AP3M2: variants seen among roughly 807,000 people sequenced by gnomAD.
AP3M2 encodes AP-3 complex subunit mu-2.
A neutral mutation model predicts 41.6 loss-of-function variants in AP3M2; 28 were observed. The ratio of observed to expected loss-of-function variants is 0.67; its 90% CI spans 0.50 to 0.92. The LOEUF is 0.92. Ranked by LOEUF, AP3M2 falls within the 40% of genes least tolerant of loss-of-function variation. The pLI is 0.00. For synonymous variants in AP3M2, 193 were observed against 186.4 expected (o/e 1.04, Z -0.29); for missense variants, 427 against 521.4 (o/e 0.82, Z 1.76).
intron 2 of AP3M2, 127 bp from the exon 3 acceptor site, chr8:42,157,814 G>T: frequency 1.5e-6 from 1 of 682,092 alleles, no homozygotes. Context: ...GCATTCCCTC[G>T]TTGTAGAAGA....
At chr8:42,154,586 G>T (rs1345135981) in intron 1 of AP3M2, 30 bp from the exon 2 acceptor site, 6 of 1,503,674 alleles carry the variant, frequency 4.0e-6, no homozygotes, top group Non-Finnish European at 4.4e-6. Context: ...TTGGTTGAAT[G>T]GAACTGAATA....
intron 1 of AP3M2, 69 bp from the exon 2 acceptor site, chr8:42,154,547 G>A (rs951023234): frequency 7.9e-7 from 1 of 1,257,894 alleles, no homozygotes; most frequent in African/African-American, 1.5e-5. Flanking sequence ...GTAAGTCTTG[G>A]ACTGTTGGGA....
At chr8:42,165,608 T>C in intron 6 of AP3M2, 48 bp downstream of exon 6, 1 of 1,602,192 alleles carries the variant, frequency 6.2e-7, no homozygotes, top group East Asian at 2.2e-5. Context: ...TGTACATGTA[T>C]GTGGAAACCG....
intron 7 of AP3M2, 35 bp from the exon 8 acceptor site, chr8:42,167,631 G>A (rs752680112): frequency 6.3e-7 from 1 of 1,589,600 alleles, no homozygotes; most frequent in Non-Finnish European, 8.5e-7. Context: ...CTATTTTTTG[G>A]AAAGACCACT....
In AP3M2 at chr8:42,169,089, T is replaced by C; in HGVS notation, c.*28T>C. On this transcript the variant is annotated 3_prime_UTR_variant, in exon 9 of 9. Transcript: ENST00000396926. ...GGAGCATTTGCTGAGGGAATAGTCT[T>C]GCACATTTTTTCATTTCTTACTTGT... 1 of 1,549,028 alleles carries C rather than the reference T, an allele frequency of 6.5e-7. No individual in the cohort carries two copies. Among genetic ancestry groups the C allele is most frequent in the Non-Finnish European group, 8.8e-7 (1 of 1,133,824 alleles).
intron 3 of AP3M2, among the ~76,000 whole-genome samples, chr8:42,160,077 T>C (rs1254941316): frequency 6.6e-6 from 1 of 152,204 alleles, no homozygotes; most frequent in Non-Finnish European, 1.5e-5. Context: ...AAATCCAGAA[T>C]GCTCTACAAT....
At chr8:42,165,373 G>C (rs958896907) in intron 5 of AP3M2, 54 bp from the exon 6 acceptor site, 1 of 1,596,592 alleles carries the variant, frequency 6.3e-7, no homozygotes, top group South Asian at 1.1e-5. Flanking sequence ...TTTCCTGAAA[G>C]CACTGCGGGT....
intron 6 of AP3M2, 129 bp downstream of exon 6, chr8:42,165,689 T>C (rs1804622004): frequency 1.7e-6 from 2 of 1,146,170 alleles, no homozygotes; most frequent in South Asian, 1.5e-5. Context: ...TGGTTACTAA[T>C]TGGGTAACCT....
Position 42,154,804 on chromosome 8 carries a change from T to C in AP3M2, c.117T>C (p.Ala39=). The C allele has an allele frequency of 6.2e-7, 1 of 1,614,170 alleles. No individual in the cohort carries two copies. The highest frequency in any genetic ancestry group is 8.5e-7 in the Non-Finnish European group (1 of 1,180,040). ...ACTTTTTTGAGGCGCAAGAGAGAGC[T>C]ACTGAGGCAGAAAATGTGCCTCCGG... is the stretch of plus-strand genomic sequence containing the variant. ...CDYFFEAQER[A]TEAENVPPVI... is the part of the protein sequence containing the mutation. Residue 39 remains alanine, a synonymous_variant, in exon 2 of 9, where the codon GCT becomes GCC. Coordinates refer to ENST00000396926, the MANE Select transcript of AP3M2 (RefSeq NM_006803.4).
At chr8:42,153,891 A>T (rs1377548225) in intron 1 of AP3M2, 2 of 152,148 alleles carry the variant, frequency 1.3e-5, no homozygotes, top group African/African-American at 2.4e-5. Flanking sequence ...GCAGCTTTCC[A>T]TTCCTCCCAC....
At position 42,170,189 on chromosome 8, in the gene AP3M2, C is replaced by G. The variant is rs762245025; in HGVS notation, c.*1128C>G. ...CCTAGAAAAAGAGAAAGCTTACCATCGAGGGTGTGGTTGATCCTTGAAGCT... is the reference window on the plus strand; with the variant it reads ...CCTAGAAAAAGAGAAAGCTTACCATGGAGGGTGTGGTTGATCCTTGAAGCT... On this transcript the variant is annotated 3_prime_UTR_variant, in exon 9 of 9. Coordinates refer to ENST00000396926, the MANE Select transcript of AP3M2 (RefSeq NM_006803.4). The G allele has an allele frequency of 2.6e-5, 4 of 152,210 alleles. No homozygotes were observed. Among genetic ancestry groups the G allele is most frequent in the African/African-American group, 9.7e-5 (4 of 41,444 alleles). 9.4% of individuals were successfully genotyped at this position (152,210 alleles called of 1,614,324 possible).
In AP3M2 at chr8:42,163,778, C is replaced by T. The variant is rs188563667; in HGVS notation, c.584-1293C>T. On this transcript the variant is annotated intron_variant, in intron 4 of 8. Transcript: ENST00000396926. Reference sequence around the variant, plus strand: ...GAGTGCTTGGATGCTGAAAATGTTCCGTATCTTGCTGTAGCTAGTATTTGC... The same window carrying T: ...GAGTGCTTGGATGCTGAAAATGTTCTGTATCTTGCTGTAGCTAGTATTTGC... 1.7e-3 allele frequency among the ~76,000 whole-genome samples: 253 copies of T among 152,202 alleles called. 1 individual carries two copies. Among genetic ancestry groups the T allele is most frequent in the South Asian group, 1.2e-3 (6 of 4,824 alleles).
chr8:42,159,654 C>T (rs1804451575), intron 3 of AP3M2, among the ~76,000 whole-genome samples: 1 of 152,040 alleles, frequency 6.6e-6, no homozygotes, highest in Non-Finnish European at 1.5e-5. Flanking sequence ...TACAGTCTAT[C>T]ACTTGTGATT....
intron 6 of AP3M2, among the ~76,000 whole-genome samples, chr8:42,165,977 A>G (rs1209240169): frequency 6.6e-6 from 1 of 152,200 alleles, no homozygotes; most frequent in Admixed American, 6.5e-5. Flanking sequence ...TTTGGTCTTG[A>G]ACATTCTCTT....
At position 42,154,842 on chromosome 8, in the gene AP3M2, C is replaced by T. The variant is rs1313716640; in HGVS notation, c.155C>T (p.Pro52Leu). 6.2e-7 allele frequency: 1 copy of T among 1,614,156 alleles called. No individual in the cohort carries two copies. Among genetic ancestry groups the T allele is most frequent in the Admixed American group, 1.7e-5 (1 of 60,018 alleles). The change falls in exon 2 of 9, where the codon CCT becomes CTT. Residue 52 changes from proline to leucine, a missense_variant. By Grantham distance (98) the Pro-to-Leu change is moderately conservative. This residue lies in a region of AP3M2 where 104 missense variants were observed against 93.8 expected (regional missense o/e 1.11). Coordinates refer to ENST00000396926, the MANE Select transcript of AP3M2 (RefSeq NM_006803.4). ...AENVPPVIPT[P>L]HHYLLSVYRH... ...AATGTGCCTCCGGTTATCCCTACCC[C>T]TCACCACTATCTCTTAAGTGTTTAC... is the stretch of plus-strand genomic sequence containing the variant.
At chr8:42,158,429 A>G (rs1440897723) in intron 3 of AP3M2, among the ~76,000 whole-genome samples, 1 of 151,270 alleles carries the variant, frequency 6.6e-6, no homozygotes, top group Non-Finnish European at 1.5e-5. Flanking sequence ...TTGTATTTTT[A>G]GTAGAGATGG....
chr8:42,166,591 CAA>C (rs56858276), intron 6 of AP3M2, among the ~76,000 whole-genome samples: 7,252 of 77,058 alleles, frequency 0.094, 277 homozygotes, highest in Middle Eastern at 0.24. Context: ...CTTGTCTCTA[CAA>C]AAAAAAAAAA....
chr8:42,155,166 T>A (rs145444960), intron 2 of AP3M2, among the ~76,000 whole-genome samples: 2,923 of 152,314 alleles, frequency 0.019, 89 homozygotes, highest in African/African-American at 0.067. Context: ...CTTTTGAACC[T>A]CTTGCGTGGG....
rs1295100780 is a variant in AP3M2, at chr8:42,170,752, A to T, written c.*1691A>T. ...CAGTTTGTCCTGGAGTGACATACAC[A>T]TCCACCATGGAAAGGGAAGCATCTC... On this transcript the variant is annotated 3_prime_UTR_variant, in exon 9 of 9. Transcript: ENST00000396926. 6.6e-6 allele frequency: 1 copy of T among 152,260 alleles called. No individual in the cohort carries two copies. Among genetic ancestry groups the T allele is most frequent in the African/African-American group, 2.4e-5 (1 of 41,468 alleles). The allele number at this position is 152,260 out of a possible 1,614,324, so 9.4% of individuals were successfully genotyped here. A position where few individuals can be genotyped will look rare whatever the true frequency, so the allele number is the denominator to read the frequency against.
Sources: gnomAD v4.1 joint callset for allele counts (sites outside exome capture counted in the v4.1 genomes callset) on GRCh38, gnomAD v4.1.1 for gene constraint, gnomAD v4.1.1 regional missense constraint, MANE v1.5 for transcripts, NCBI Gene and HGNC (gene_info 2026-07-23, HGNC 2026-07-21) for gene names.